The following LCMT1 variants were observed in gnomAD, a reference collection of about 807,000 sequenced individuals.
LCMT1 encodes leucine carboxyl methyltransferase 1, also known as [Phosphatase 2A protein]-leucine-carboxy methyltransferase 1.
Under a neutral mutation model 47.7 loss-of-function variants are expected in LCMT1, and 32 were observed. That is an observed-to-expected ratio of 0.67 (90% CI 0.51 to 0.90). LCMT1 has a LOEUF of 0.90. LCMT1 is among the 40% of genes least tolerant of loss of function. The pLI is 0.00. For synonymous variants in LCMT1, 152 were observed against 149.7 expected (o/e 1.02, Z -0.11); for missense variants, 375 against 415.2 (o/e 0.90, Z 0.84).
chr16:25,127,102 G>A (rs1389044429), intron 1 of LCMT1, among the ~76,000 whole-genome samples: 3 of 152,160 alleles, frequency 2.0e-5, no homozygotes, highest in Non-Finnish European at 2.9e-5. Context: ...GGTGACTCAC[G>A]CCTGTAATCT....
At chr16:25,177,009 G>A (rs957112433) in intron 10 of LCMT1, among the ~76,000 whole-genome samples, 14 of 151,648 alleles carry the variant, frequency 9.2e-5, no homozygotes, top group South Asian at 2.1e-4. Context: ...GTGAAATCCC[G>A]TCTCTACTAA....
At chr16:25,127,331 G>A (rs908349195) in intron 1 of LCMT1, among the ~76,000 whole-genome samples, 1 of 152,168 alleles carries the variant, frequency 6.6e-6, no homozygotes, top group Non-Finnish European at 1.5e-5. Flanking sequence ...ATAAAACTGT[G>A]TGGGTATGCT....
At chr16:25,155,944 T>A (rs768375089) in intron 5 of LCMT1, among the ~76,000 whole-genome samples, 7 of 152,200 alleles carry the variant, frequency 4.6e-5, no homozygotes, top group Non-Finnish European at 1.0e-4. Context: ...GACCTCTCAG[T>A]GTTGGGATTA....
chr16:25,133,559 T>C (rs1243087052), intron 3 of LCMT1, among the ~76,000 whole-genome samples: 1 of 151,380 alleles, frequency 6.6e-6, no homozygotes, highest in East Asian at 2.0e-4. Context: ...CCACCATGTC[T>C]GGCTAATTTT....
chr16:25,174,014 C>G (rs560546362), intron 9 of LCMT1, among the ~76,000 whole-genome samples: 1 of 152,214 alleles, frequency 6.6e-6, no homozygotes, highest in Non-Finnish European at 1.5e-5. Flanking sequence ...CAGGTTCAAG[C>G]AATTCTCCTG....
At chr16:25,167,638 A>G (rs1234323514) in intron 7 of LCMT1, among the ~76,000 whole-genome samples, 2 of 152,222 alleles carry the variant, frequency 1.3e-5, no homozygotes, top group Admixed American at 6.5e-5. Flanking sequence ...GTTTAAGATG[A>G]CAAAACTACA....
At chr16:25,140,077 A>G in intron 3 of LCMT1, 94 bp from the exon 4 acceptor site, 1 of 859,676 alleles carries the variant, frequency 1.2e-6, no homozygotes, top group Non-Finnish European at 1.9e-6. Context: ...ATCCTTAAAC[A>G]CTATTGCTCT....
intron 4 of LCMT1, chr16:25,145,864 G>A (rs750729087): frequency 3.9e-5 from 6 of 152,282 alleles, no homozygotes; most frequent in Non-Finnish European, 7.3e-5. Context: ...TGAAGTGTCC[G>A]ATAGGGAAGG....
In LCMT1 at chr16:25,170,579, G is replaced by A. The variant is rs1481498514; in HGVS notation, c.793-135G>A. On this transcript the variant is annotated intron_variant, in intron 8 of 10. Coordinates refer to ENST00000399069, the MANE Select transcript of LCMT1 (RefSeq NM_016309.3). ...CGGTGGGTCAAGGCTGCAGTGAGCT[G>A]TGATCACACCACTGCACTTCAGCCT... The A allele has an allele frequency of 2.0e-5, 13 of 663,010 alleles. No homozygotes were observed. The African/African-American group carries it at 2.4e-4, about 12-fold the overall frequency. 41.1% of individuals were successfully genotyped at this position (663,010 alleles called of 1,614,324 possible).
intron 2 of LCMT1, among the ~76,000 whole-genome samples, chr16:25,131,906 C>A (rs1326459549): frequency 6.6e-6 from 1 of 152,148 alleles, no homozygotes. Context: ...TCTGCGACCC[C>A]CATTTTACAT....
chr16:25,123,242 T>TG (rs397799633), intron 1 of LCMT1, among the ~76,000 whole-genome samples: 2 of 148,644 alleles, frequency 1.3e-5, no homozygotes, highest in Non-Finnish European at 1.5e-5. Flanking sequence ...TTTTTTTTTT[T>TG]GTGACAGAGT....
At chr16:25,166,129 G>C (rs1004894388) in intron 7 of LCMT1, among the ~76,000 whole-genome samples, 1 of 151,886 alleles carries the variant, frequency 6.6e-6, no homozygotes, top group African/African-American at 2.4e-5. Flanking sequence ...AATTAGCCAG[G>C]CATGGTGGCG....
chr16:25,159,945 C>CT (rs1260933399), intron 5 of LCMT1, among the ~76,000 whole-genome samples: 7 of 133,896 alleles, frequency 5.2e-5, no homozygotes, highest in Non-Finnish European at 1.5e-5. Flanking sequence ...AATTTTCTTT[C>CT]TTTAAAAAAA....
intron 3 of LCMT1, among the ~76,000 whole-genome samples, chr16:25,133,587 C>T (rs79386458): frequency 0.23 from 34,095 of 149,686 alleles, 3,985 homozygotes; most frequent in East Asian, 0.33. Context: ...TTAGTAGAGA[C>T]GGGGTTTCAC....
chr16:25,114,089 T>C (rs1486512634), intron 1 of LCMT1, among the ~76,000 whole-genome samples: 1 of 152,212 alleles, frequency 6.6e-6, no homozygotes, highest in Non-Finnish European at 1.5e-5. Context: ...GAATATTGTT[T>C]AGTTAAAGTT....
At chr16:25,117,070 C>T (rs116141882) in intron 1 of LCMT1, among the ~76,000 whole-genome samples, 1 of 152,158 alleles carries the variant, frequency 6.6e-6, no homozygotes, top group Admixed American at 6.5e-5. Flanking sequence ...TGGAAGGTCC[C>T]AAGGAGTATG....
At chr16:25,149,673 G>A (rs892740673) in intron 4 of LCMT1, among the ~76,000 whole-genome samples, 1 of 152,164 alleles carries the variant, frequency 6.6e-6, no homozygotes, top group African/African-American at 2.4e-5. Context: ...CAGCACTTTG[G>A]AAGGCCAAGG....
chr16:25,120,220 G>GTT (rs201550792), intron 1 of LCMT1, among the ~76,000 whole-genome samples: 23 of 150,394 alleles, frequency 1.5e-4, no homozygotes, highest in African/African-American at 5.7e-4. Flanking sequence ...AATTTTATGG[G>GTT]TTTTTTTGTT....
chr16:25,151,436 A>C, intron 4 of LCMT1, 118 bp from the exon 5 acceptor site: 1 of 833,316 alleles, frequency 1.2e-6, no homozygotes, highest in South Asian at 1.6e-5. Flanking sequence ...TTTGAACAAT[A>C]GCAAATATAT....
Sources: gnomAD v4.1 joint callset for allele counts (sites outside exome capture counted in the v4.1 genomes callset) on GRCh38, gnomAD v4.1.1 for gene constraint, MANE v1.5 for transcripts, NCBI Gene and HGNC (gene_info 2026-07-23, HGNC 2026-07-21) for gene names.